The following PDS5A variants were observed in gnomAD, a reference collection of about 807,000 sequenced individuals.
PDS5A encodes the protein PDS5 cohesin associated factor A.
A neutral mutation model predicts 167.1 loss-of-function variants in PDS5A; 42 were observed. That is an observed-to-expected ratio of 0.25 (90% CI 0.20 to 0.33). The LOEUF (loss-of-function observed/expected upper bound fraction) is 0.33. Ranked by LOEUF, PDS5A falls within the 10% of genes least tolerant of loss-of-function variation. PDS5A has a pLI of 1.00. For synonymous variants in PDS5A, 553 were observed against 554.6 expected (o/e 1.00, Z 0.04); for missense variants, 1,033 against 1,605.9 (o/e 0.64, Z 6.10).
intron 8 of PDS5A, among the ~76,000 whole-genome samples, chr4:39,916,015 A>G (rs1162173359): frequency 6.6e-6 from 1 of 152,124 alleles, no homozygotes; most frequent in East Asian, 1.9e-4. Flanking sequence ...GGAGAATTGC[A>G]TTAGGCCAGG....
intron 10 of PDS5A, among the ~76,000 whole-genome samples, chr4:39,909,468 C>G (rs1030611935): frequency 1.3e-5 from 2 of 152,076 alleles, no homozygotes; most frequent in Non-Finnish European, 2.9e-5. Flanking sequence ...CTGGAAAAGT[C>G]AACTCACAAT....
intron 27 of PDS5A, 77 bp downstream of exon 27, chr4:39,849,437 CCAAAAA>C: frequency 1.9e-6 from 1 of 537,386 alleles, no homozygotes; most frequent in African/African-American, 2.9e-5. Context: ...CTACGTATGG[CCAAAAA>C]AAAAAAAAAA....
intron 4 of PDS5A, among the ~76,000 whole-genome samples, chr4:39,926,516 CTCAAAAAAAAAAAAAGAAAGAAA>C (rs1725482055): frequency 8.0e-6 from 1 of 125,094 alleles, no homozygotes; most frequent in Non-Finnish European, 1.7e-5. Context: ...GAAACTACGT[CTCAAAAAAAAAAAAAGAAAGAAA>C]TAGATACAAA....
intron 14 of PDS5A, among the ~76,000 whole-genome samples, chr4:39,899,259 G>A (rs1014506891): frequency 2.0e-5 from 3 of 152,024 alleles, no homozygotes; most frequent in African/African-American, 4.8e-5. Flanking sequence ...TTTGTGGCCC[G>A]TTACTTAAAT....
At chr4:39,943,508 G>A (rs1201981671) in intron 2 of PDS5A, among the ~76,000 whole-genome samples, 2 of 151,552 alleles carry the variant, frequency 1.3e-5, no homozygotes, top group African/African-American at 2.4e-5. Context: ...TTCTGGCCAG[G>A]TGCAGTGACT....
intron 2 of PDS5A, among the ~76,000 whole-genome samples, chr4:39,970,770 C>T (rs1447015514): frequency 6.8e-6 from 1 of 147,672 alleles, no homozygotes; most frequent in Non-Finnish European, 1.5e-5. Context: ...ATTATGGTTC[C>T]ACTGTAAAAC....
In PDS5A at chr4:39,862,873, A is replaced by G. The variant is rs1212578681; in HGVS notation, c.2967T>C (p.Ala989=). 1 of 1,593,518 alleles carries G rather than the reference A, an allele frequency of 6.3e-7. No homozygotes were observed. Among genetic ancestry groups the G allele is most frequent in the Admixed American group, 1.7e-5 (1 of 59,972 alleles). The part of the protein sequence containing the change: ...RREYIKQNPM[A]TEKLLSLLPE... ...GGAGAACTCTGAGTTACTTACCAGT[A>G]GCCATAGGATTCTGCTTAATGTATT... Residue 989 remains alanine (A), a synonymous_variant, in exon 25 of 33, where the codon GCT becomes GCC. Coordinates refer to ENST00000303538, the MANE Select transcript of PDS5A (RefSeq NM_001100399.2).
chr4:39,951,797 G>C (rs1408692595), intron 2 of PDS5A, among the ~76,000 whole-genome samples: 1 of 151,210 alleles, frequency 6.6e-6, no homozygotes, highest in Non-Finnish European at 1.5e-5. Context: ...CTACTCAGGA[G>C]GCTGAGGCAG....
chr4:39,853,419 A>G (rs1718280354), intron 26 of PDS5A, among the ~76,000 whole-genome samples: 1 of 152,144 alleles, frequency 6.6e-6, no homozygotes, highest in African/African-American at 2.4e-5. Flanking sequence ...CAGCTATCCT[A>G]TGTGTCACCA....
intron 2 of PDS5A, among the ~76,000 whole-genome samples, chr4:39,960,644 T>A (rs1416781316): frequency 1.3e-5 from 2 of 151,956 alleles, no homozygotes; most frequent in African/African-American, 2.4e-5. Flanking sequence ...TACTCCCACC[T>A]CAGCCTCCCA....
intron 22 of PDS5A, 76 bp downstream of exon 22, chr4:39,869,318 T>G: frequency 8.9e-6 from 8 of 903,718 alleles, no homozygotes; most frequent in Non-Finnish European, 1.5e-5. Context: ...TTATTAAATT[T>G]TTTAAAGGTG....
rs139068034 is a variant in PDS5A at position 39,963,315 on chromosome 4, C to T, written c.138+13125G>A. On this transcript the variant is annotated intron_variant, in intron 2 of 32. Coordinates refer to ENST00000303538, the MANE Select transcript of PDS5A (RefSeq NM_001100399.2). Reference sequence around the variant, plus strand: ...TATTAAAATAACAAAAAAATTTAGCCGGGCATGGTGGCAGGCACCTATAAT... The same window carrying T: ...TATTAAAATAACAAAAAAATTTAGCTGGGCATGGTGGCAGGCACCTATAAT... Among the ~76,000 whole-genome samples, 895 of 151,958 alleles carry T rather than the reference C, an allele frequency of 5.9e-3. 9 individuals carry two copies. The highest frequency in any genetic ancestry group is 0.02 in the African/African-American group (821 of 41,474).
rs529384500 is a variant in PDS5A, at chr4:39,898,765, A to G, written c.1630+12T>C. On this transcript the variant is annotated intron_variant, in intron 15 of 32. Transcript: ENST00000303538. ...TTTACTACATGTTTAGTGAGTAAAT[A>G]AACATACTCACTTGCTATGGTCATC... is the stretch of plus-strand genomic sequence containing the variant. The G allele has an allele frequency of 2.6e-6, 4 of 1,525,082 alleles. No individual in the cohort carries two copies. Among genetic ancestry groups the G allele is most frequent in the Middle Eastern group, 1.7e-4 (1 of 5,916 alleles). 94.5% of individuals were successfully genotyped at this position (1,525,082 alleles called of 1,614,324 possible). A position where few individuals can be genotyped will look rare whatever the true frequency, so the allele number is the denominator to read the frequency against.
chr4:39,837,207 C>G, intron 32 of PDS5A: 1 of 152,038 alleles, frequency 6.6e-6, no homozygotes, highest in East Asian at 1.9e-4. Flanking sequence ...GGACTCTTCC[C>G]TAGAAGAAAC....
intron 2 of PDS5A, among the ~76,000 whole-genome samples, chr4:39,944,327 C>T (rs1341213346): frequency 6.6e-6 from 1 of 151,938 alleles, no homozygotes; most frequent in African/African-American, 2.4e-5. Context: ...TGTAACAGAA[C>T]AATCATAATA....
chr4:39,867,570 A>T (rs1464878875), intron 22 of PDS5A, among the ~76,000 whole-genome samples: 1 of 137,496 alleles, frequency 7.3e-6, no homozygotes, highest in Non-Finnish European at 1.6e-5. Context: ...AAAAAAAAAA[A>T]TTAGTCAGGC....
At chr4:39,836,492 T>C (rs995414065) in intron 32 of PDS5A, among the ~76,000 whole-genome samples, 1 of 152,134 alleles carries the variant, frequency 6.6e-6, no homozygotes, top group Non-Finnish European at 1.5e-5. Context: ...TGGAGTGCAA[T>C]GGCGCAATCT....
chr4:39,955,276 G>A (rs2109795155), intron 2 of PDS5A, among the ~76,000 whole-genome samples: 1 of 152,228 alleles, frequency 6.6e-6, no homozygotes, highest in Non-Finnish European at 1.5e-5. Context: ...TATGGACTTT[G>A]AGTGATAATG....
At chr4:39,910,048 A>G in intron 10 of PDS5A, 196 bp downstream of exon 10, 1 of 424,336 alleles carries the variant, frequency 2.4e-6, no homozygotes, top group Non-Finnish European at 4.2e-6. Flanking sequence ...CTTAAAATAA[A>G]CAAACAAACA....
Sources: allele counts gnomAD v4.1 joint callset (sites outside exome capture counted in the v4.1 genomes callset), GRCh38; gene constraint gnomAD v4.1.1; transcripts MANE v1.5; gene names NCBI Gene and HGNC (gene_info 2026-07-23, HGNC 2026-07-21).